The following RBFOX3 variants were observed in gnomAD, a reference collection of about 807,000 sequenced individuals.
The protein encoded by RBFOX3 is RNA binding protein fox-1 homolog 3.
Under a neutral mutation model 48.7 loss-of-function variants are expected in RBFOX3, and 17 were observed. The observed-to-expected ratio is 0.35, with a 90% CI of 0.24 to 0.52. The LOEUF is 0.52. Ranked by LOEUF, RBFOX3 falls within the 20% of genes least tolerant of loss-of-function variation. The pLI is 0.94. For missense variants in RBFOX3, 382 were observed against 497.5 expected (o/e 0.77, Z 2.21); for synonymous variants, 212 against 209.5 (o/e 1.01, Z -0.10).
rs141079450 is a variant in RBFOX3, at chr17:79,224,490, C to G, written c.-34+11276G>C. 6.2e-4 allele frequency among the ~76,000 whole-genome samples: 94 copies of G among 152,332 alleles called. 1 individual carries two copies. Among genetic ancestry groups the G allele is most frequent in the African/African-American group, 2.2e-3 (90 of 41,564 alleles). ...CCTTTAGGGTGCATTTGGGTCTTTA[C>G]CCCGTCTTGTCCACTTGGCTGCGAA... On this transcript the variant is annotated intron_variant, in intron 4 of 14. Coordinates refer to ENST00000693108, the MANE Select transcript of RBFOX3 (RefSeq NM_001350451.2).
intron 5 of RBFOX3, among the ~76,000 whole-genome samples, chr17:79,107,885 G>C (rs1419155218): frequency 6.6e-6 from 1 of 152,196 alleles, no homozygotes; most frequent in Non-Finnish European, 1.5e-5. Flanking sequence ...GGCACAGGTG[G>C]TGGGTGCACG....
intron 4 of RBFOX3, among the ~76,000 whole-genome samples, chr17:79,178,286 G>A (rs56194180): frequency 0.19 from 28,360 of 152,168 alleles, 5,366 homozygotes; most frequent in African/African-American, 0.49. Context: ...CCTAAACTTC[G>A]CTGGGTGTCA....
chr17:79,574,422 T>C (rs1211606573), intron 1 of RBFOX3, among the ~76,000 whole-genome samples: 1 of 152,134 alleles, frequency 6.6e-6, no homozygotes, highest in East Asian at 1.9e-4. Flanking sequence ...TGAACTCCAG[T>C]CATCCTCACT....
rs949313648 is a variant in RBFOX3 at position 79,605,630 on chromosome 17, C to T, written c.-320+5196G>A. On this transcript the variant is annotated intron_variant, in intron 1 of 14. Coordinates refer to ENST00000693108, the MANE Select transcript of RBFOX3 (RefSeq NM_001350451.2). Reference sequence around the variant, plus strand: ...CTTGGGAGAAAGCTCTCAGCACAGCCGCTAACCAAAGCAATAAGCAAGTAA... The same window carrying T: ...CTTGGGAGAAAGCTCTCAGCACAGCTGCTAACCAAAGCAATAAGCAAGTAA... Among the ~76,000 whole-genome samples, 71 of 152,358 alleles carry T rather than the reference C, an allele frequency of 4.7e-4. 1 individual carries two copies. Among genetic ancestry groups the T allele is most frequent in the African/African-American group, 1.7e-3 (70 of 41,586 alleles).
rs187801677 is a variant in RBFOX3 at position 79,411,558 on chromosome 17, C to T, written c.-175+70896G>A. ...GGGCTGCCCTGGCCCCAGGCTTCCC[C>T]TTCCATGCCCTCCCTCTGTGCTGTA... On this transcript the variant is annotated intron_variant, in intron 2 of 14. Transcript: ENST00000693108. 2.6e-4 allele frequency among the ~76,000 whole-genome samples: 40 copies of T among 152,324 alleles called. No individual in the cohort carries two copies. In the South Asian group the frequency reaches 4.6e-3, roughly 17 times the overall value.
intron 4 of RBFOX3, among the ~76,000 whole-genome samples, chr17:79,161,119 A>C (rs1034982917): frequency 1.3e-5 from 2 of 152,162 alleles, no homozygotes; most frequent in Admixed American, 1.3e-4. Context: ...CTCTGCAGAT[A>C]ATCTGTAGCA....
the RBFOX3 span, among the ~76,000 whole-genome samples, chr17:79,624,421 A>G: frequency 6.6e-6 from 1 of 152,052 alleles, no homozygotes; most frequent in Non-Finnish European, 1.5e-5. Context: ...ATCATTCCAG[A>G]AAGTCCTCCA....
At chr17:79,591,372 G>A (rs2093411458) in intron 1 of RBFOX3, among the ~76,000 whole-genome samples, 2 of 152,192 alleles carry the variant, frequency 1.3e-5, no homozygotes. Flanking sequence ...CCTGGGGACA[G>A]GAGACACACC....
intron 3 of RBFOX3, among the ~76,000 whole-genome samples, chr17:79,295,691 G>A (rs773287109): frequency 7.2e-5 from 11 of 152,234 alleles, no homozygotes; most frequent in Admixed American, 6.5e-4. Context: ...CTGCCCCACC[G>A]TCAGCTCCCC....
In RBFOX3 at chr17:79,606,234, G is replaced by A. The variant is rs1033598765; in HGVS notation, c.-320+4592C>T. Among the ~76,000 whole-genome samples the A allele has an allele frequency of 6.6e-5, 10 of 152,320 alleles. No individual in the cohort carries two copies. In the East Asian group the frequency reaches 1.7e-3, roughly 26 times the overall value. Reference sequence around the variant, plus strand: ...CTTACAGGTAAGGGCCAGGATCAGAGGCCTGATGACACCAAGCTCCCTGCA... The same window carrying A: ...CTTACAGGTAAGGGCCAGGATCAGAAGCCTGATGACACCAAGCTCCCTGCA... On this transcript the variant is annotated intron_variant, in intron 1 of 14. Coordinates refer to ENST00000693108, the MANE Select transcript of RBFOX3 (RefSeq NM_001350451.2).
chr17:79,228,958 T>C (rs2060654878), intron 4 of RBFOX3, among the ~76,000 whole-genome samples: 1 of 152,156 alleles, frequency 6.6e-6, no homozygotes, highest in South Asian at 2.1e-4. Context: ...CCGGGCGCAG[T>C]GGCTCATGCC....
At chr17:79,555,492 AGTG>A (rs1294825102) in intron 1 of RBFOX3, among the ~76,000 whole-genome samples, 3 of 45,674 alleles carry the variant, frequency 6.6e-5, no homozygotes, top group Non-Finnish European at 1.3e-4. Flanking sequence ...TGGTGATGAC[AGTG>A]GTGGTGGTGG....
intron 1 of RBFOX3, among the ~76,000 whole-genome samples, chr17:79,556,045 A>G (rs1237452396): frequency 1.3e-5 from 2 of 152,190 alleles, no homozygotes; most frequent in African/African-American, 4.8e-5. Flanking sequence ...GAAATGGAAG[A>G]TTCTAGAATG....
Position 79,516,933 on chromosome 17 carries a change from G to A in RBFOX3, c.-319-34335C>T, listed in dbSNP as rs948503859. Among the ~76,000 whole-genome samples, 786 of 152,154 alleles carry A rather than the reference G, an allele frequency of 5.2e-3. 7 individuals are homozygous for A. Among genetic ancestry groups the A allele is most frequent in the African/African-American group, 0.018 (743 of 41,502 alleles). ...GTCCACCCCTCGGGGAGTCATACTC[G>A]TAGACACAGAAGGTAGAATGGGGGT... On this transcript the variant is annotated intron_variant, in intron 1 of 14. Transcript: ENST00000693108.
At chr17:79,108,573 G>A (rs913439199) in intron 5 of RBFOX3, among the ~76,000 whole-genome samples, 1 of 152,236 alleles carries the variant, frequency 6.6e-6, no homozygotes, top group Non-Finnish European at 1.5e-5. Flanking sequence ...GCAGAGCCGT[G>A]CCAAGGTCAC....
At chr17:79,627,601 AG>A in the RBFOX3 span, among the ~76,000 whole-genome samples, 1 of 152,170 alleles carries the variant, frequency 6.6e-6, no homozygotes. Context: ...CGCCTCTCCA[AG>A]GATCCGAGAC....
At chr17:79,162,767 C>T (rs2047226222) in intron 4 of RBFOX3, among the ~76,000 whole-genome samples, 1 of 152,024 alleles carries the variant, frequency 6.6e-6, no homozygotes, top group African/African-American at 2.4e-5. Flanking sequence ...GGGGGTCTCC[C>T]GCGGCAGGTG....
intron 4 of RBFOX3, among the ~76,000 whole-genome samples, chr17:79,209,248 G>A (rs2058018882): frequency 6.6e-6 from 1 of 152,180 alleles, no homozygotes; most frequent in African/African-American, 2.4e-5. Context: ...CCCATCCCAG[G>A]AGCAGGCCAG....
intron 3 of RBFOX3, among the ~76,000 whole-genome samples, chr17:79,256,836 C>T (rs530191015): frequency 1.3e-5 from 2 of 151,956 alleles, no homozygotes; most frequent in African/African-American, 4.8e-5. Context: ...GCAGGAGAAT[C>T]GCTTGAACCT....
Sources: gnomAD v4.1 joint callset for allele counts (sites outside exome capture counted in the v4.1 genomes callset) on GRCh38, gnomAD v4.1.1 for gene constraint, MANE v1.5 for transcripts, NCBI Gene and HGNC (gene_info 2026-07-23, HGNC 2026-07-21) for gene names.